The following MAP4 variants were observed in gnomAD, a reference collection of about 807,000 sequenced individuals.
The protein encoded by MAP4 is microtubule associated protein 4.
A neutral mutation model predicts 170.2 loss-of-function variants in MAP4; 76 were observed. That is an observed-to-expected ratio of 0.45 (90% CI 0.37 to 0.54). The LOEUF (loss-of-function observed/expected upper bound fraction) is 0.54, where lower values mean the gene tolerates loss of function less well. Ranked by LOEUF, MAP4 falls within the 20% of genes least tolerant of loss-of-function variation. MAP4 has a pLI of 0.00. For missense variants in MAP4, 2,506 were observed against 2,748.0 expected, an observed-to-expected ratio of 0.91 and a Z score of 1.97; for synonymous variants, 909 against 994.5, an observed-to-expected ratio of 0.91 and a Z score of 1.62.
At chr3:47,927,214 C>G (rs569400066) in intron 4 of MAP4, among the ~76,000 whole-genome samples, 1 of 151,796 alleles carries the variant, frequency 6.6e-6, no homozygotes, top group African/African-American at 2.4e-5. Flanking sequence ...ACCCTCCCCC[C>G]ATAATTACTT....
intron 4 of MAP4, among the ~76,000 whole-genome samples, chr3:47,925,130 A>C (rs1172391082): frequency 6.6e-6 from 1 of 152,082 alleles, no homozygotes; most frequent in Non-Finnish European, 1.5e-5. Context: ...TATTTTCTGT[A>C]ATTTAATCTT....
At chr3:48,001,461 A>C in intron 1 of MAP4, among the ~76,000 whole-genome samples, 1 of 152,320 alleles carries the variant, frequency 6.6e-6, no homozygotes, top group East Asian at 1.9e-4. Context: ...ATTCCTCATC[A>C]ATAATTTTAA....
intron 1 of MAP4, among the ~76,000 whole-genome samples, chr3:48,074,518 T>C (rs2100142690): frequency 6.9e-6 from 1 of 145,776 alleles, no homozygotes; most frequent in African/African-American, 2.6e-5. Flanking sequence ...ACTTTTTTTT[T>C]TTTTTTTTTT....
chr3:47,895,959 C>T (rs1577225086), intron 10 of MAP4, among the ~76,000 whole-genome samples: 1 of 151,808 alleles, frequency 6.6e-6, no homozygotes, highest in East Asian at 1.9e-4. Flanking sequence ...GCACTGGCTT[C>T]ATAGTTACAA....
intron 9 of MAP4, among the ~76,000 whole-genome samples, chr3:47,905,013 T>A (rs2100032150): frequency 6.6e-6 from 1 of 152,086 alleles, no homozygotes; most frequent in African/African-American, 2.4e-5. Context: ...ATGGAAACCA[T>A]GGGTGACACC....
chr3:47,937,647 TTTC>T (rs1400745946), intron 3 of MAP4, among the ~76,000 whole-genome samples: 63 of 147,744 alleles, frequency 4.3e-4, no homozygotes, highest in Non-Finnish European at 5.1e-4. Context: ...GCTTTTCCTT[TTTC>T]TTCTTCTTTT....
At chr3:47,951,134 T>G (rs901917872) in intron 3 of MAP4, among the ~76,000 whole-genome samples, 1 of 152,230 alleles carries the variant, frequency 6.6e-6, no homozygotes, top group Non-Finnish European at 1.5e-5. Flanking sequence ...TTCTTTTGAC[T>G]CTAAAGATTG....
At chr3:47,939,708 A>AGTT (rs1181956185) in intron 3 of MAP4, among the ~76,000 whole-genome samples, 1 of 127,502 alleles carries the variant, frequency 7.8e-6, no homozygotes, top group Non-Finnish European at 1.6e-5. Context: ...GTAAAGAAAT[A>AGTT]GTTTTTTTTT....
At chr3:47,979,482 GTCTC>G (rs1467077654) in intron 2 of MAP4, among the ~76,000 whole-genome samples, 1 of 152,154 alleles carries the variant, frequency 6.6e-6, no homozygotes, top group Non-Finnish European at 1.5e-5. Context: ...TTGACAGGGA[GTCTC>G]TCTCTGTCGC....
intron 3 of MAP4, among the ~76,000 whole-genome samples, chr3:47,964,065 G>A (rs2100073336): frequency 6.6e-6 from 1 of 152,158 alleles, no homozygotes; most frequent in African/African-American, 2.4e-5. Flanking sequence ...AAGTAAAGGG[G>A]TAACTAAGAA....
rs556581990 is a variant in MAP4 at position 48,040,394 on chromosome 3, G to A, written c.-19-41515C>T. 1.8e-4 allele frequency among the ~76,000 whole-genome samples: 28 copies of A among 151,724 alleles called. 1 individual carries two copies. Among genetic ancestry groups the A allele is most frequent in the Non-Finnish European group, 2.9e-4 (20 of 67,916 alleles). On this transcript the variant is annotated intron_variant, in intron 1 of 18. Coordinates refer to the MAP4 transcript ENST00000360240. ...GGCCATTCTCCTGCCTCAGCCTCCC[G>A]AGTAGCTGAGACTACAGGCGCCTGC...
chr3:47,873,872 T>A (rs1269148046), intron 12 of MAP4, among the ~76,000 whole-genome samples: 1 of 152,262 alleles, frequency 6.6e-6, no homozygotes, highest in Non-Finnish European at 1.5e-5. Context: ...GGATGTTGCA[T>A]CTTTTAGATG....
At chr3:47,968,427 AGAAAGTAAACAGAAGATT>A (rs1364945487) in intron 3 of MAP4, among the ~76,000 whole-genome samples, 1 of 152,256 alleles carries the variant, frequency 6.6e-6, no homozygotes, top group African/African-American at 2.4e-5. Context: ...GGATGAAATT[AGAAAGTAAACAGAAGATT>A]GGGGAATGCA....
chr3:47,981,217 T>C (rs7427418), intron 2 of MAP4, among the ~76,000 whole-genome samples: 92,102 of 151,986 alleles, frequency 0.61, 29,127 homozygotes, highest in East Asian at 0.72. Flanking sequence ...ATGAGAGCAC[T>C]TCGTGTTACC....
intron 10 of MAP4, among the ~76,000 whole-genome samples, chr3:47,880,528 T>G (rs2096546461): frequency 6.8e-6 from 1 of 147,036 alleles, no homozygotes; most frequent in South Asian, 2.2e-4. Flanking sequence ...TACAGTGGCA[T>G]GATCACAGCT....
chr3:47,998,818 G>C lies in MAP4; in HGVS notation c.43C>G (p.Pro15Ala). 6.2e-7 allele frequency: 1 copy of C among 1,614,140 alleles called. No individual in the cohort carries two copies. Among genetic ancestry groups the C allele is most frequent in the Non-Finnish European group, 8.5e-7 (1 of 1,180,010 alleles). Reference protein sequence around the residue: ...SLADALTEPSPDIEGEIKRDF... With the variant: ...SLADALTEPSADIEGEIKRDF... Reference sequence around the variant, plus strand: ...CGCTTTATCTCTCCCTCAATGTCTGGAGATGGTTCTGTTAATGCATCTGCA... The same window carrying C: ...CGCTTTATCTCTCCCTCAATGTCTGCAGATGGTTCTGTTAATGCATCTGCA... The change falls in exon 2 of 21, where the codon CCA (proline) becomes GCA (alanine). Residue 15 changes from proline to alanine, a missense_variant. By Grantham distance (27) the Pro-to-Ala change is conservative (BLOSUM62 -1). Around this residue, in one of 3 missense-constraint regions of MAP4, gnomAD observed 2,008 missense variants for 2,206.0 expected, o/e 0.91. Coordinates refer to ENST00000683076, the MANE Select transcript of MAP4 (RefSeq NM_001385682.1).
chr3:48,039,780 T>G (rs1167104519), intron 1 of MAP4, among the ~76,000 whole-genome samples: 1 of 152,210 alleles, frequency 6.6e-6, no homozygotes, highest in African/African-American at 2.4e-5. Flanking sequence ...TGAACTCTTC[T>G]TGCACTAAGT....
chr3:47,945,373 A>G (rs1000171801), intron 3 of MAP4, among the ~76,000 whole-genome samples: 3 of 152,050 alleles, frequency 2.0e-5, no homozygotes, highest in African/African-American at 7.2e-5. Flanking sequence ...CTCATAATGT[A>G]TGCATAAGCA....
At chr3:48,034,639 G>A (rs1394792318) in intron 1 of MAP4, among the ~76,000 whole-genome samples, 1 of 152,014 alleles carries the variant, frequency 6.6e-6, no homozygotes, top group East Asian at 1.9e-4. Context: ...GGAGGGGGAG[G>A]TTGCAGTGAG....
Sources: gnomAD v4.1 joint callset for allele counts (sites outside exome capture counted in the v4.1 genomes callset) on GRCh38, gnomAD v4.1.1 for gene constraint, gnomAD v4.1.1 regional missense constraint, MANE v1.5 for transcripts, NCBI Gene and HGNC (gene_info 2026-07-23, HGNC 2026-07-21) for gene names.